The following PPP1R12A variants were observed in gnomAD, a reference collection of about 807,000 sequenced individuals.
PPP1R12A encodes the protein protein phosphatase 1 regulatory subunit 12A.
A neutral mutation model predicts 139.6 loss-of-function variants in PPP1R12A; 19 were observed. The ratio of observed to expected loss-of-function variants is 0.14; its 90% CI spans 0.09 to 0.20. PPP1R12A has a LOEUF of 0.20. Among genes scored for constraint, PPP1R12A ranks in the 10% least tolerant of loss-of-function variants. PPP1R12A has a pLI of 1.00. For synonymous variants in PPP1R12A, 427 were observed against 420.6 expected (o/e 1.02, Z -0.19); for missense variants, 925 against 1,211.5 (o/e 0.76, Z 3.51).
At chr12:79,897,326 A>G (rs529668757) in intron 1 of PPP1R12A, among the ~76,000 whole-genome samples, 2 of 152,306 alleles carry the variant, frequency 1.3e-5, no homozygotes, top group East Asian at 1.9e-4. Context: ...GTTCTAACTT[A>G]TAAGTGTGAG....
At chr12:79,861,578 C>T (rs1052233062) in intron 2 of PPP1R12A, among the ~76,000 whole-genome samples, 3 of 152,102 alleles carry the variant, frequency 2.0e-5, no homozygotes, top group Non-Finnish European at 2.9e-5. Flanking sequence ...CGTGAGTGAC[C>T]GTACCTGGAG....
chr12:79,804,474 A>T (rs974153682), intron 14 of PPP1R12A, among the ~76,000 whole-genome samples: 2 of 152,034 alleles, frequency 1.3e-5, no homozygotes, highest in African/African-American at 4.8e-5. Flanking sequence ...GCAATGATAG[A>T]AAAAAAAGTT....
At position 79,857,720 on chromosome 12, in the gene PPP1R12A, A is replaced by G. The variant is rs1011236784; in HGVS notation, c.369-12300T>C. 6.6e-5 allele frequency among the ~76,000 whole-genome samples: 10 copies of G among 152,316 alleles called. No homozygotes were observed. In the East Asian group the frequency reaches 1.7e-3, roughly 26 times the overall value. On this transcript the variant is annotated intron_variant, in intron 2 of 24. Transcript: ENST00000450142. ...TGGTCCATTTAGTCTACCAAGTATT[A>G]GAGTTAATTGACTTCACATGTATCT...
chr12:79,845,330 C>T lies in PPP1R12A; in HGVS notation c.459G>A (p.Glu153=). Residue 153 remains glutamate (E), a synonymous_variant, in exon 3 of 25, where the codon GAG becomes GAA. Transcript: ENST00000450142. The part of the protein sequence containing the change: ...LDIAEEEAME[E]LLQNEVNRQG... ...GCCGATTAACTTCATTTTGAAGTAGCTCTTCCATTGCCTCCTCCTCCGCAA... is the reference window on the plus strand; with the variant it reads ...GCCGATTAACTTCATTTTGAAGTAGTTCTTCCATTGCCTCCTCCTCCGCAA... 1 of 1,612,578 alleles carries T rather than the reference C, an allele frequency of 6.2e-7. No individual in the cohort carries two copies.
intron 1 of PPP1R12A, among the ~76,000 whole-genome samples, chr12:79,922,374 G>T (rs756215607): frequency 2.6e-5 from 4 of 152,118 alleles, no homozygotes; most frequent in Non-Finnish European, 4.4e-5. Context: ...TACTTTCACG[G>T]TTAGTTTTCC....
At chr12:79,831,133 T>C (rs907631660) in intron 4 of PPP1R12A, among the ~76,000 whole-genome samples, 4 of 151,954 alleles carry the variant, frequency 2.6e-5, no homozygotes, top group Non-Finnish European at 5.9e-5. Context: ...TGTAATACTC[T>C]TTAATACTTT....
At chr12:79,789,951 G>T (rs1198734900) in intron 20 of PPP1R12A, among the ~76,000 whole-genome samples, 2 of 150,836 alleles carry the variant, frequency 1.3e-5, no homozygotes, top group Non-Finnish European at 3.0e-5. Flanking sequence ...GGATAATTAA[G>T]AAATTTTTTT....
chr12:79,868,875 C>T (rs953974526), intron 2 of PPP1R12A, among the ~76,000 whole-genome samples: 5 of 152,154 alleles, frequency 3.3e-5, no homozygotes, highest in Non-Finnish European at 5.9e-5. Context: ...ATTTTAGTAC[C>T]TGACCTGATA....
chr12:79,833,793 C>T (rs1400568532), intron 3 of PPP1R12A, among the ~76,000 whole-genome samples: 6 of 148,548 alleles, frequency 4.0e-5, no homozygotes, highest in East Asian at 4.0e-4. Context: ...GCCAAGATCA[C>T]GCCACTGCAC....
chr12:79,794,536 TA>T (rs759281905), intron 18 of PPP1R12A, among the ~76,000 whole-genome samples: 8 of 151,372 alleles, frequency 5.3e-5, no homozygotes, highest in African/African-American at 1.9e-4. Flanking sequence ...ACACTGCAAT[TA>T]AAAAAAAGTT....
chr12:79,903,080 G>A (rs1339359554), intron 1 of PPP1R12A, among the ~76,000 whole-genome samples: 5 of 152,066 alleles, frequency 3.3e-5, no homozygotes, highest in Non-Finnish European at 7.4e-5. Context: ...CACTGTCCAC[G>A]AGTGACTGAA....
At chr12:79,903,028 T>C (rs945802423) in intron 1 of PPP1R12A, among the ~76,000 whole-genome samples, 1 of 152,096 alleles carries the variant, frequency 6.6e-6, no homozygotes, top group African/African-American at 2.4e-5. Context: ...ATCAGTAGCA[T>C]ATAAATTCAG....
chr12:79,792,409 A>C (rs1426174694), intron 19 of PPP1R12A, among the ~76,000 whole-genome samples: 1 of 152,164 alleles, frequency 6.6e-6, no homozygotes, highest in Non-Finnish European at 1.5e-5. Flanking sequence ...GCAGAATATA[A>C]CTGGAGTACA....
rs780574722 is a variant in PPP1R12A, at chr12:79,935,030, G to T, written c.-99C>A. On this transcript the variant is annotated 5_prime_UTR_variant, in exon 1 of 25. Transcript: ENST00000450142. Reference sequence around the variant, plus strand: ...AGGGGGTGTGTGAATGTTTCTATGAGTGCGGGCCAGAGGAGGGCTGGGAAC... The same window carrying T: ...AGGGGGTGTGTGAATGTTTCTATGATTGCGGGCCAGAGGAGGGCTGGGAAC... 3 of 1,452,332 alleles carry T rather than the reference G, an allele frequency of 2.1e-6. No individual in the cohort carries two copies. The highest frequency in any genetic ancestry group is 2.7e-6 in the Non-Finnish European group (3 of 1,101,416). The allele number at this position is 1,452,332 out of a possible 1,614,324, so 90.0% of individuals were successfully genotyped here. A position where few individuals can be genotyped will look rare whatever the true frequency, so the allele number is the denominator to read the frequency against.
At chr12:79,797,496 C>A in intron 15 of PPP1R12A, 101 bp from the exon 16 acceptor site, 1 of 1,110,752 alleles carries the variant, frequency 9.0e-7, no homozygotes, top group South Asian at 1.7e-5. Flanking sequence ...CATTAAAAGT[C>A]AAATATGCAT....
intron 1 of PPP1R12A, among the ~76,000 whole-genome samples, chr12:79,919,342 G>A (rs1453736005): frequency 6.6e-6 from 1 of 151,836 alleles, no homozygotes; most frequent in Admixed American, 6.6e-5. Flanking sequence ...GGATCACGAG[G>A]TCAGGAGTTC....
intron 1 of PPP1R12A, among the ~76,000 whole-genome samples, chr12:79,930,898 T>C (rs1888204031): frequency 6.6e-6 from 1 of 152,200 alleles, no homozygotes. Context: ...GACTGGATTA[T>C]GCATAGACAA....
intron 3 of PPP1R12A, among the ~76,000 whole-genome samples, chr12:79,838,936 C>T (rs187218670): frequency 1.2e-3 from 176 of 152,302 alleles, no homozygotes; most frequent in African/African-American, 4.1e-3. Flanking sequence ...AGAGGGCCAC[C>T]GTCTTCCAGA....
chr12:79,807,110 G>T (rs1232124550), intron 12 of PPP1R12A, 116 bp downstream of exon 12: 4 of 575,720 alleles, frequency 6.9e-6, no homozygotes, highest in Admixed American at 3.6e-5. Flanking sequence ...ACAAAAACTC[G>T]TATTTAATAA....
Sources: allele counts gnomAD v4.1 joint callset (sites outside exome capture counted in the v4.1 genomes callset), GRCh38; gene constraint gnomAD v4.1.1; transcripts MANE v1.5; gene names NCBI Gene and HGNC (gene_info 2026-07-23, HGNC 2026-07-21).